Variants in SYNE3 observed in about 807,000 individuals in gnomAD.
The protein encoded by SYNE3 is nesprin-3.
A neutral mutation model predicts 111.2 loss-of-function variants in SYNE3; 100 were observed. The ratio of observed to expected loss-of-function variants is 0.90; its 90% confidence interval spans 0.77 to 1.06. The LOEUF is 1.06. Ranked by LOEUF, SYNE3 falls within the 50% of genes least tolerant of loss-of-function variation. SYNE3 has a pLI of 0.00. For missense variants in SYNE3, 1,160 were observed against 1,240.3 expected (o/e 0.94, Z 0.97); for synonymous variants, 547 against 533.9 (o/e 1.02, Z -0.34).
At chr14:95,440,623 A>G (rs1373924321) in intron 11 of SYNE3, among the ~76,000 whole-genome samples, 1 of 152,252 alleles carries the variant, frequency 6.6e-6, no homozygotes, top group African/African-American at 2.4e-5. Flanking sequence ...ACCACATGCA[A>G]TACAGCAGAT....
In SYNE3 at chr14:95,450,061, TC is replaced by T; in HGVS notation, c.1318del (p.Glu440SerfsTer47). The T allele has an allele frequency of 6.4e-7, 1 of 1,570,306 alleles. No individual in the cohort carries two copies. The highest frequency in any genetic ancestry group is 1.2e-5 in the South Asian group (1 of 85,466). ...SARLRNAAAV[E>X]LWQHFQRPLQ... ...AGGCCGCTGGAAATGCTGCCACAGC[TC>T]CACCGCCGCGGCATTGCGCAGCCTC... On this transcript the variant is annotated frameshift_variant, in exon 8 of 18. Coordinates refer to ENST00000682763, the MANE Select transcript of SYNE3 (RefSeq NM_152592.6). LOFTEE classifies it high-confidence loss of function.
intron 7 of SYNE3, chr14:95,451,925 T>C (rs560227915): frequency 1.6e-4 from 30 of 188,776 alleles, no homozygotes; most frequent in Admixed American, 1.5e-3. Context: ...GGGAATGGAG[T>C]CTGTCTATTG....
chr14:95,408,932 C>A lies in SYNE3; in HGVS notation c.*8894G>T. ...TGGGAAGGTAGACAGACAGTGGGTA[C>A]CTGCTCCCGTCCCCTGGGACCTCAT... On this transcript the variant is annotated 3_prime_UTR_variant, in exon 18 of 18. Coordinates refer to ENST00000682763, the MANE Select transcript of SYNE3 (RefSeq NM_152592.6). 2.8e-6 allele frequency: 1 copy of A among 354,872 alleles called. No homozygotes were observed. The highest frequency in any genetic ancestry group is 2.1e-5 in the South Asian group (1 of 48,076). The allele number at this position is 354,872 out of a possible 1,614,324, so 22.0% of individuals were successfully genotyped here.
chr14:95,455,381 T>C lies in SYNE3; in HGVS notation c.1133A>G (p.Tyr378Cys). ...EDELVAHWRR[Y>C]SATRAALASE... The stretch of plus-strand genomic sequence containing the variant: ...GACTCGGCCAAGCACGCTTACCGAG[T>C]AGCGTCTCCAGTGTGCCACCAGCTC... Residue 378 changes from tyrosine (Y) to cysteine (C), a missense_variant, in exon 6 of 18, where the codon TAC becomes TGC. By Grantham distance (194) the Tyr-to-Cys change is radical. Coordinates refer to ENST00000682763, the MANE Select transcript of SYNE3 (RefSeq NM_152592.6). 1 of 1,532,368 alleles carries C rather than the reference T, an allele frequency of 6.5e-7. No homozygotes were observed. The allele number at this position is 1,532,368 out of a possible 1,614,324, so 94.9% of individuals were successfully genotyped here.
In SYNE3 at chr14:95,420,820, C is replaced by T. The variant is rs146317264; in HGVS notation, c.2728-2794G>A. ...TTGGCTCTTCCAAAGAGAGAAGGGG[C>T]TTCCTCAGGAAGTTATAAGCTCCCT... On this transcript the variant is annotated intron_variant, in intron 17 of 17. Transcript: ENST00000682763. Among the ~76,000 whole-genome samples the T allele has an allele frequency of 5.5e-3, 827 of 151,226 alleles. 4 individuals carry two copies. The highest frequency in any genetic ancestry group is 0.018 in the African/African-American group (736 of 40,624).
chr14:95,492,808 G>A lies in SYNE3; in HGVS notation c.-14-16973C>T, dbSNP rs148685564. Among the ~76,000 whole-genome samples, 962 of 152,294 alleles carry A rather than the reference G, an allele frequency of 6.3e-3. 14 individuals carry two copies. The highest frequency in any genetic ancestry group is 0.022 in the African/African-American group (913 of 41,550). On this transcript the variant is annotated intron_variant, in intron 1 of 17. Transcript: ENST00000682763. ...AGGTGGGAGGACTGCTTGAGGCCAG[G>A]AGTTTGAGACCACCCTGGCCAACAC...
rs1903431924 is a variant in SYNE3, at chr14:95,411,386, G to C, written c.*6440C>G. 6.6e-6 allele frequency: 1 copy of C among 152,046 alleles called. No homozygotes were observed. The highest frequency in any genetic ancestry group is 2.1e-4 in the South Asian group (1 of 4,816). The allele number at this position is 152,046 out of a possible 1,614,324, so 9.4% of individuals were successfully genotyped here. A position where few individuals can be genotyped will look rare whatever the true frequency, so the allele number is the denominator to read the frequency against. ...AGAGCTTTCTGAGAGGGCTGGTACA[G>C]GTGTAAGGATGTCAAACAGGTTTTG... On this transcript the variant is annotated 3_prime_UTR_variant, in exon 18 of 18. Coordinates refer to ENST00000682763, the MANE Select transcript of SYNE3 (RefSeq NM_152592.6).
chr14:95,422,575 C>T (rs1394809686), intron 17 of SYNE3, among the ~76,000 whole-genome samples: 1 of 152,198 alleles, frequency 6.6e-6, no homozygotes, highest in Non-Finnish European at 1.5e-5. Flanking sequence ...GTGCTCTGAC[C>T]TGGGGCCTGG....
At chr14:95,512,949 C>T (rs903805055) in intron 1 of SYNE3, among the ~76,000 whole-genome samples, 10 of 152,312 alleles carry the variant, frequency 6.6e-5, no homozygotes, top group African/African-American at 1.9e-4. Context: ...ATGGATCCCA[C>T]TGAGAGTGAA....
intron 1 of SYNE3, among the ~76,000 whole-genome samples, chr14:95,505,234 T>C (rs1053049875): frequency 6.6e-6 from 1 of 152,264 alleles, no homozygotes; most frequent in African/African-American, 2.4e-5. Context: ...CCCTGATTGC[T>C]GGACAGGTTG....
intron 8 of SYNE3, 30 bp from the exon 9 acceptor site, chr14:95,446,121 A>G: frequency 6.2e-7 from 1 of 1,612,086 alleles, no homozygotes; most frequent in Non-Finnish European, 8.5e-7. Context: ...CGTGAACCAC[A>G]GACCGGGCAG....
intron 17 of SYNE3, among the ~76,000 whole-genome samples, chr14:95,426,237 G>A (rs548129215): frequency 5.6e-4 from 86 of 152,328 alleles, no homozygotes; most frequent in African/African-American, 1.9e-3. Context: ...CGGACGGAGT[G>A]GCGAGGCCGT....
At chr14:95,514,518 C>T (rs1890841684) in intron 1 of SYNE3, among the ~76,000 whole-genome samples, 2 of 152,242 alleles carry the variant, frequency 1.3e-5, no homozygotes, top group Admixed American at 1.3e-4. Context: ...ACTGTGACAC[C>T]TTCTCACATG....
At chr14:95,483,949 G>T (rs972719488) in intron 1 of SYNE3, among the ~76,000 whole-genome samples, 4 of 152,212 alleles carry the variant, frequency 2.6e-5, no homozygotes, top group African/African-American at 9.6e-5. Flanking sequence ...CGGTCCCGAA[G>T]CCATTTTAAG....
At position 95,412,001 on chromosome 14, in the gene SYNE3, T is replaced by G. The variant is rs1396747522; in HGVS notation, c.*5825A>C. Reference sequence around the variant, plus strand: ...CAATCAACATCCACAGCCTTAGCCTTAAGCCTCCCCTTGAAGCCTCCAGGA... The same window carrying G: ...CAATCAACATCCACAGCCTTAGCCTGAAGCCTCCCCTTGAAGCCTCCAGGA... On this transcript the variant is annotated 3_prime_UTR_variant, in exon 18 of 18. Coordinates refer to ENST00000682763, the MANE Select transcript of SYNE3 (RefSeq NM_152592.6). 6.6e-6 allele frequency: 1 copy of G among 152,374 alleles called. No individual in the cohort carries two copies. The highest frequency in any genetic ancestry group is 2.4e-5 in the African/African-American group (1 of 41,470). 9.4% of individuals were successfully genotyped at this position (152,374 alleles called of 1,614,324 possible).
Position 95,440,026 on chromosome 14 carries a change from C to T in SYNE3, c.1961G>A (p.Ser654Asn). 1 of 1,611,370 alleles carries T rather than the reference C, an allele frequency of 6.2e-7. No individual in the cohort carries two copies. The highest frequency in any genetic ancestry group is 1.1e-5 in the South Asian group (1 of 91,082). Reference sequence around the variant, plus strand: ...CTGCCGCAGCTCCAGCAGCTGGTGGCTGAAGGTGCAGTGCTCCTGCACACT... The same window carrying T: ...CTGCCGCAGCTCCAGCAGCTGGTGGTTGAAGGTGCAGTGCTCCTGCACACT... ...RQSVQEHCTF[S>N]HQLLELRQWI... Residue 654 changes from serine (S) to asparagine (N), a missense_variant, in exon 12 of 18, where the codon AGC becomes AAC. By Grantham distance (46) the Ser-to-Asn change is conservative. Coordinates refer to ENST00000682763, the MANE Select transcript of SYNE3 (RefSeq NM_152592.6).
chr14:95,479,294 C>T (rs187584776), intron 1 of SYNE3, among the ~76,000 whole-genome samples: 56 of 149,320 alleles, frequency 3.8e-4, no homozygotes, highest in Middle Eastern at 7.2e-3. Context: ...AAGGTCCAGG[C>T]GGCATTGAGC....
chr14:95,504,462 G>T (rs542339746), intron 1 of SYNE3, among the ~76,000 whole-genome samples: 131 of 152,318 alleles, frequency 8.6e-4, no homozygotes, highest in Non-Finnish European at 1.6e-3. Flanking sequence ...ATGGGCAAAG[G>T]TTTCCAAATG....
rs910564253 is a variant in SYNE3 at position 95,470,792 on chromosome 14, T to C, written c.145-2825A>G. Among the ~76,000 whole-genome samples, 6 of 152,060 alleles carry C rather than the reference T, an allele frequency of 3.9e-5. No individual in the cohort carries two copies. The East Asian group carries it at 1.2e-3, about 29-fold the overall frequency. On this transcript the variant is annotated intron_variant, in intron 2 of 17. Coordinates refer to ENST00000682763, the MANE Select transcript of SYNE3 (RefSeq NM_152592.6). The surrounding 1 kb of genome is among the most constrained non-coding windows in gnomAD (Gnocchi z 4.2). ...GGCCAACATGGTGAAACACCGTCTC[T>C]ACTGAAAATACAAAAATTAGCCGGG...
Sources: allele counts gnomAD v4.1 joint callset (sites outside exome capture counted in the v4.1 genomes callset), GRCh38; gene constraint gnomAD v4.1.1; non-coding constraint Gnocchi (gnomAD v3.1); transcripts MANE v1.5; gene names NCBI Gene and HGNC (gene_info 2026-07-23, HGNC 2026-07-21).